The following NKAIN2 variants were observed in gnomAD, a reference collection of about 807,000 sequenced individuals.
The protein encoded by NKAIN2 is sodium/potassium transporting ATPase interacting 2.
NKAIN2 carries 14 observed loss-of-function variants against 32.6 expected under a neutral mutation model. The ratio of observed to expected loss-of-function variants is 0.43; its 90% CI spans 0.28 to 0.67. NKAIN2 has a LOEUF of 0.67. Among genes scored for constraint, NKAIN2 ranks in the 30% least tolerant of loss-of-function variants. The pLI is 0.17. For missense variants in NKAIN2, 198 were observed against 258.3 expected, an observed-to-expected ratio of 0.77 and a Z score of 1.60; for synonymous variants, 80 against 87.2, an observed-to-expected ratio of 0.92 and a Z score of 0.46.
At chr6:123,979,825 G>A (rs1001745730) in intron 1 of NKAIN2, among the ~76,000 whole-genome samples, 7 of 152,116 alleles carry the variant, frequency 4.6e-5, no homozygotes, top group Non-Finnish European at 1.0e-4. Context: ...TAGGTAATGA[G>A]GACAAGACAA....
rs1199667714 is a variant in NKAIN2, at chr6:124,166,799, G to A, written c.55-116206G>A. Among the ~76,000 whole-genome samples, 185 of 148,586 alleles carry A rather than the reference G, an allele frequency of 1.2e-3. 1 individual carries two copies. Among genetic ancestry groups the A allele is most frequent in the African/African-American group, 4.4e-3 (179 of 40,644 alleles). On this transcript the variant is annotated intron_variant, in intron 1 of 6. Coordinates refer to ENST00000368417, the MANE Select transcript of NKAIN2 (RefSeq NM_001040214.3). ...AATCCTTTCCCCATTGCTTGTTTTT[G>A]TCAGGTTTGTCAAAGATCAGATAGT...
chr6:124,556,782 A>C lies in NKAIN2; in HGVS notation c.274-101404A>C, dbSNP rs571678133. ...AAAACTGAAATTTATGTGGTTTCAT[A>C]CTTTGTTGAAGTCCTAAACTAGTCC... On this transcript the variant is annotated intron_variant, in intron 3 of 6. Transcript: ENST00000368417. 1.8e-4 allele frequency among the ~76,000 whole-genome samples: 28 copies of C among 152,320 alleles called. No individual in the cohort carries two copies. The South Asian group carries it at 5.6e-3, about 30-fold the overall frequency.
At chr6:123,906,262 T>TTTC (rs1046084779) in intron 1 of NKAIN2, among the ~76,000 whole-genome samples, 4 of 152,054 alleles carry the variant, frequency 2.6e-5, no homozygotes, top group South Asian at 4.2e-4. Flanking sequence ...TTAGCACCAC[T>TTTC]TTCTTCTTCT....
chr6:124,790,223 G>A (rs147194010), intron 4 of NKAIN2, among the ~76,000 whole-genome samples: 555 of 152,120 alleles, frequency 3.6e-3, no homozygotes, highest in Non-Finnish European at 5.1e-3. Flanking sequence ...ACAGTTCTGT[G>A]CTCATTAAAT....
intron 1 of NKAIN2, among the ~76,000 whole-genome samples, chr6:123,962,500 C>T (rs537431525): frequency 6.6e-5 from 10 of 152,282 alleles, no homozygotes; most frequent in African/African-American, 2.2e-4. Flanking sequence ...CTTTGAGCTA[C>T]GAGTTCTACT....
chr6:124,428,023 G>T (rs1775056352), intron 3 of NKAIN2, among the ~76,000 whole-genome samples: 1 of 152,000 alleles, frequency 6.6e-6, no homozygotes, highest in African/African-American at 2.4e-5. Flanking sequence ...TTCCATATTT[G>T]CTCATTTCCT....
chr6:124,280,733 A>T (rs1795252025), intron 1 of NKAIN2, among the ~76,000 whole-genome samples: 1 of 152,212 alleles, frequency 6.6e-6, no homozygotes, highest in South Asian at 2.1e-4. Context: ...AGGAATTCAT[A>T]GGAAAGACTG....
chr6:123,893,532 A>T (rs1330872711), intron 1 of NKAIN2, among the ~76,000 whole-genome samples: 1 of 152,222 alleles, frequency 6.6e-6, no homozygotes, highest in Admixed American at 6.5e-5. Flanking sequence ...AAGCTCTAAA[A>T]GATAAAAACT....
intron 1 of NKAIN2, among the ~76,000 whole-genome samples, chr6:123,958,753 C>T (rs972807452): frequency 2.0e-5 from 3 of 152,176 alleles, no homozygotes; most frequent in Non-Finnish European, 2.9e-5. Flanking sequence ...TCTTGAAAGG[C>T]GGGGCCTAGG....
chr6:123,988,505 C>T (rs777804722), intron 1 of NKAIN2, among the ~76,000 whole-genome samples: 2 of 152,092 alleles, frequency 1.3e-5, no homozygotes, highest in Non-Finnish European at 1.5e-5. Flanking sequence ...GAACAAGGAA[C>T]GACCCAGGAA....
At chr6:124,820,773 G>A (rs1331662678) in intron 6 of NKAIN2, among the ~76,000 whole-genome samples, 2 of 152,114 alleles carry the variant, frequency 1.3e-5, no homozygotes, top group African/African-American at 4.8e-5. Flanking sequence ...ATAGCAGTGT[G>A]AACCTTATTG....
chr6:124,469,427 A>G (rs1484597703), intron 3 of NKAIN2, among the ~76,000 whole-genome samples: 1 of 152,218 alleles, frequency 6.6e-6, no homozygotes, highest in Non-Finnish European at 1.5e-5. Context: ...ACCATGGTCA[A>G]TATAATTATA....
intron 4 of NKAIN2, among the ~76,000 whole-genome samples, chr6:124,671,706 T>C (rs375373210): frequency 6.6e-6 from 1 of 152,070 alleles, no homozygotes; most frequent in East Asian, 1.9e-4. Context: ...CCCTGCACTC[T>C]CTGAGTATAT....
intron 3 of NKAIN2, among the ~76,000 whole-genome samples, chr6:124,409,874 T>C (rs1367554897): frequency 2.6e-5 from 4 of 152,232 alleles, no homozygotes; most frequent in Admixed American, 6.5e-5. Flanking sequence ...TTTCAGAGCC[T>C]GTTACTGGTC....
intron 3 of NKAIN2, among the ~76,000 whole-genome samples, chr6:124,502,659 C>T (rs920049021): frequency 6.6e-6 from 1 of 152,162 alleles, no homozygotes; most frequent in East Asian, 1.9e-4. Flanking sequence ...ATTTTTGATA[C>T]TGGAGTCAGA....
intron 2 of NKAIN2, among the ~76,000 whole-genome samples, chr6:124,339,634 G>A (rs1005297981): frequency 5.3e-5 from 8 of 152,084 alleles, no homozygotes; most frequent in African/African-American, 1.9e-4. Context: ...GGATACAGGT[G>A]GTTACATTGG....
chr6:124,818,521 A>T lies in NKAIN2; in HGVS notation c.617+53A>T, dbSNP rs1015982373. ...TCTGGGGTACTAAAGATAATCAAGT[A>T]ACTGTATCACGATACAAAATTGATG... On this transcript the variant is annotated intron_variant, in intron 6 of 6. Coordinates refer to ENST00000368417, the MANE Select transcript of NKAIN2 (RefSeq NM_001040214.3). 5.1e-6 allele frequency: 4 copies of T among 786,430 alleles called. No individual in the cohort carries two copies. In the African/African-American group the frequency reaches 6.9e-5, roughly 14 times the overall value. 48.7% of individuals were successfully genotyped at this position (786,430 alleles called of 1,614,324 possible).
intron 3 of NKAIN2, among the ~76,000 whole-genome samples, chr6:124,422,443 G>A (rs375907031): frequency 1.8e-4 from 28 of 152,204 alleles, no homozygotes; most frequent in South Asian, 1.0e-3. Flanking sequence ...CATTGTTAGC[G>A]TCTTTGGCTA....
chr6:123,904,656 A>G (rs908845169), intron 1 of NKAIN2, among the ~76,000 whole-genome samples: 2 of 152,194 alleles, frequency 1.3e-5, no homozygotes, highest in East Asian at 3.9e-4. Context: ...TGAATAGTTA[A>G]TAGGCTTTTC....
Sources: allele counts gnomAD v4.1 joint callset (sites outside exome capture counted in the v4.1 genomes callset), GRCh38; gene constraint gnomAD v4.1.1; transcripts MANE v1.5; gene names NCBI Gene and HGNC (gene_info 2026-07-23, HGNC 2026-07-21).